Variants in TMEM114 observed in about 807,000 individuals in gnomAD.
TMEM114 encodes transmembrane protein 114.
A neutral mutation model predicts 6.2 loss-of-function variants in TMEM114; 6 were observed. The ratio of observed to expected loss-of-function variants is 0.97; its 90% CI spans 0.53 to 1.91. The LOEUF is 1.91. TMEM114 is among the 40% of genes most tolerant of loss of function. The pLI is 0.01. For synonymous variants in TMEM114, 104 were observed against 73.0 expected (o/e 1.42, Z -2.16); for missense variants, 218 against 158.3 (o/e 1.38, Z -2.02).
At chr16:8,541,894 A>G (rs1249602156) in intron 2 of TMEM114, among the ~76,000 whole-genome samples, 1 of 152,190 alleles carries the variant, frequency 6.6e-6, no homozygotes, top group African/African-American at 2.4e-5. Context: ...ACAAAGACGT[A>G]GCACAGGCTC....
intron 2 of TMEM114, among the ~76,000 whole-genome samples, chr16:8,549,068 G>C (rs1900760213): frequency 6.6e-6 from 1 of 151,730 alleles, no homozygotes. Context: ...TGCAGTCCCA[G>C]CTGCTGGGGA....
At chr16:8,573,270 C>T (rs949137612) in intron 2 of TMEM114, among the ~76,000 whole-genome samples, 6 of 152,122 alleles carry the variant, frequency 3.9e-5, no homozygotes, top group East Asian at 1.9e-4. Flanking sequence ...ATGCTGCCCC[C>T]GGGTTGCAGA....
At chr16:8,583,439 T>C (rs1424053412) in intron 2 of TMEM114, among the ~76,000 whole-genome samples, 1 of 152,080 alleles carries the variant, frequency 6.6e-6, no homozygotes, top group African/African-American at 2.4e-5. Context: ...TGGATGCAGG[T>C]GACTCATCAG....
chr16:8,547,423 C>T (rs865834244), intron 2 of TMEM114, among the ~76,000 whole-genome samples: 2 of 148,492 alleles, frequency 1.3e-5, no homozygotes, highest in Non-Finnish European at 3.0e-5. Flanking sequence ...GACGGAGTCT[C>T]GCTCTGTCAC....
chr16:8,555,953 A>T (rs1181799835), intron 2 of TMEM114, among the ~76,000 whole-genome samples: 1 of 152,184 alleles, frequency 6.6e-6, no homozygotes, highest in Non-Finnish European at 1.5e-5. Flanking sequence ...TCCATCTTGG[A>T]TGTCCCCACA....
the TMEM114 span, among the ~76,000 whole-genome samples, chr16:8,532,276 A>G: frequency 1.1e-4 from 16 of 152,228 alleles, no homozygotes; most frequent in African/African-American, 3.9e-4. Flanking sequence ...AAAGTCCTGC[A>G]TTTTAATTTT....
intron 2 of TMEM114, among the ~76,000 whole-genome samples, chr16:8,542,622 G>C (rs1039927330): frequency 8.5e-5 from 13 of 152,142 alleles, no homozygotes; most frequent in African/African-American, 2.9e-4. Flanking sequence ...TGTGGGTTTG[G>C]GGTGGGGGAG....
intron 2 of TMEM114, among the ~76,000 whole-genome samples, chr16:8,554,479 C>T (rs35077635): frequency 0.42 from 63,470 of 151,710 alleles, 13,662 homozygotes; most frequent in East Asian, 0.52. Flanking sequence ...CCTCTCATAG[C>T]CCCTTCATAG....
At chr16:8,570,814 T>C (rs1002513772) in intron 3 of TMEM114, among the ~76,000 whole-genome samples, 1 of 152,130 alleles carries the variant, frequency 6.6e-6, no homozygotes, top group African/African-American at 2.4e-5. Context: ...CACATGGCTA[T>C]TTAAATTTAA....
At chr16:8,589,495 C>T (rs1156826570) in intron 1 of TMEM114, 124 bp downstream of exon 1, 2 of 398,072 alleles carry the variant, frequency 5.0e-6, no homozygotes, top group Admixed American at 8.8e-5. Context: ...CCCCCGAGTC[C>T]CTAGACATTG....
chr16:8,564,206 T>C (rs1472442563), intron 2 of TMEM114, among the ~76,000 whole-genome samples: 8 of 139,398 alleles, frequency 5.7e-5, no homozygotes, highest in African/African-American at 1.4e-4. Context: ...AGTGAGTGGG[T>C]GAATGAGTGA....
chr16:8,560,394 G>A (rs930500443), intron 2 of TMEM114, among the ~76,000 whole-genome samples: 2 of 152,068 alleles, frequency 1.3e-5, no homozygotes, highest in Non-Finnish European at 2.9e-5. Flanking sequence ...TTGGACAGTG[G>A]CAAGGGTCAG....
At chr16:8,555,686 A>G (rs1466358462) in intron 2 of TMEM114, among the ~76,000 whole-genome samples, 1 of 152,124 alleles carries the variant, frequency 6.6e-6, no homozygotes, top group African/African-American at 2.4e-5. Context: ...TGACCAGGTA[A>G]TTCTCAACCA....
At chr16:8,564,117 G>C (rs1901416791) in intron 2 of TMEM114, among the ~76,000 whole-genome samples, 3 of 151,364 alleles carry the variant, frequency 2.0e-5, no homozygotes, top group Non-Finnish European at 2.9e-5. Flanking sequence ...AAATAAGTAA[G>C]TGAATGAGTG....
intron 2 of TMEM114, among the ~76,000 whole-genome samples, chr16:8,557,450 G>A (rs1000274116): frequency 6.6e-6 from 1 of 152,166 alleles, no homozygotes; most frequent in African/African-American, 2.4e-5. Context: ...ACTGCCTGCT[G>A]TTCCAGCTCC....
At chr16:8,560,610 G>A (rs1328656494) in intron 2 of TMEM114, among the ~76,000 whole-genome samples, 1 of 152,190 alleles carries the variant, frequency 6.6e-6, no homozygotes, top group African/African-American at 2.4e-5. Context: ...TGAGGCTGGA[G>A]TTCGAGTCTC....
At chr16:8,530,325 C>G in the TMEM114 span, among the ~76,000 whole-genome samples, 6 of 152,316 alleles carry the variant, frequency 3.9e-5, no homozygotes, top group African/African-American at 1.4e-4. Flanking sequence ...CCACATGGCT[C>G]TATCCCTGTG....
downstream of TMEM114, among the ~76,000 whole-genome samples, chr16:8,565,759 A>G (rs1032948079): frequency 7.2e-5 from 11 of 152,178 alleles, no homozygotes; most frequent in African/African-American, 2.7e-4. Context: ...CCTGCACAGC[A>G]GAATCACCTG....
At chr16:8,530,139 C>G in the TMEM114 span, among the ~76,000 whole-genome samples, 2 of 152,142 alleles carry the variant, frequency 1.3e-5, no homozygotes, top group African/African-American at 4.8e-5. Context: ...CTGCCACATC[C>G]TTTTTTTGCC....
Sources: gnomAD v4.1 joint callset for allele counts (sites outside exome capture counted in the v4.1 genomes callset) on GRCh38, gnomAD v4.1.1 for gene constraint, MANE v1.5 for transcripts, NCBI Gene and HGNC (gene_info 2026-07-23, HGNC 2026-07-21) for gene names.